Variants in KCNG2 observed in about 807,000 individuals in gnomAD.
KCNG2 encodes the protein voltage-gated potassium channel regulatory subunit KCNG2.
KCNG2 carries 7 observed loss-of-function variants against 12.3 expected under a neutral mutation model. The observed-to-expected ratio is 0.57, with a 90% CI of 0.32 to 1.07. The LOEUF is 1.07. KCNG2 is among the 50% of genes least tolerant of loss of function. The pLI is 0.04. For synonymous variants in KCNG2, 414 were observed against 351.4 expected (o/e 1.18, Z -1.99); for missense variants, 703 against 726.0 (o/e 0.97, Z 0.36).
At chr18:79,826,881 G>A (rs1424257754) in intron 1 of KCNG2, among the ~76,000 whole-genome samples, 1 of 152,262 alleles carries the variant, frequency 6.6e-6, no homozygotes, top group Non-Finnish European at 1.5e-5. Flanking sequence ...GTGTGGGAGT[G>A]ACTAATCACT....
intron 2 of KCNG2, among the ~76,000 whole-genome samples, chr18:79,860,738 T>C (rs1362961893): frequency 2.6e-5 from 4 of 152,170 alleles, no homozygotes. Context: ...GTACATAAGA[T>C]CATAAGATCA....
At chr18:79,898,061 G>A (rs1014964824) in intron 3 of KCNG2, among the ~76,000 whole-genome samples, 10 of 152,256 alleles carry the variant, frequency 6.6e-5, no homozygotes, top group African/African-American at 2.2e-4. Flanking sequence ...CTTAGCCAGC[G>A]TGCAGTCTAG....
intron 1 of KCNG2, among the ~76,000 whole-genome samples, chr18:79,845,176 C>T (rs1002952792): frequency 1.1e-4 from 16 of 152,134 alleles, no homozygotes; most frequent in Admixed American, 7.2e-4. Flanking sequence ...TAAAAGGTTA[C>T]GTAGGGTGTG....
intron 3 of KCNG2, among the ~76,000 whole-genome samples, chr18:79,888,751 T>G (rs180849044): frequency 1.4e-3 from 214 of 152,288 alleles, no homozygotes; most frequent in African/African-American, 3.4e-3. Flanking sequence ...CTCAGCTTAC[T>G]GCAATCTCCA....
chr18:79,854,281 G>A (rs2123052887), intron 1 of KCNG2, among the ~76,000 whole-genome samples: 1 of 152,346 alleles, frequency 6.6e-6, no homozygotes, highest in African/African-American at 2.4e-5. Context: ...GGCCGTGTGT[G>A]CCTGGGTGCC....
Position 79,899,097 on chromosome 18 carries a change from T to C in KCNG2, c.682T>C (p.Trp228Arg). 1 of 1,602,962 alleles carries C rather than the reference T, an allele frequency of 6.2e-7. No homozygotes were observed. The highest frequency in any genetic ancestry group is 2.3e-5 in the East Asian group (1 of 44,268). The change falls in exon 4 of 4, where the codon TGG becomes CGG. Residue 228 changes from tryptophan to arginine, a missense_variant. Coordinates refer to ENST00000316249, the MANE Select transcript of KCNG2 (RefSeq NM_012283.2). ...LFVLETVCVAWFSFEFLLRSL... is the reference protein window; with the variant it reads ...LFVLETVCVARFSFEFLLRSL... The stretch of plus-strand genomic sequence containing the variant: ...CGTGCTGGAGACCGTGTGCGTGGCC[T>C]GGTTCTCCTTCGAGTTCCTGCTGCG...
rs139354071 is a variant in KCNG2 at position 79,884,547 on chromosome 18, T to TCTGGGCCTGGGC, written c.625-14486_625-14475dup. On this transcript the variant is annotated intron_variant, in intron 3 of 3. Transcript: ENST00000316249. The surrounding 1 kb of genome is among the most constrained non-coding windows in gnomAD (Gnocchi z 5.5). ...GATGCAGTGGAGGAGCAGGGCTGGGTCTGGGCCTGGGCCTGGGCGTGGCAG... is the reference window on the plus strand; with the variant it reads ...GATGCAGTGGAGGAGCAGGGCTGGGTCTGGGCCTGGGCCTGGGCCTGGGCCTGGGCGTGGCAG... Among the ~76,000 whole-genome samples, 2 of 151,976 alleles carry TCTGGGCCTGGGC rather than the reference T, an allele frequency of 1.3e-5. No homozygotes were observed. The highest frequency in any genetic ancestry group is 6.5e-5 in the Admixed American group (1 of 15,270).
At chr18:79,843,852 A>G (rs558755038) in intron 1 of KCNG2, among the ~76,000 whole-genome samples, 1 of 152,250 alleles carries the variant, frequency 6.6e-6, no homozygotes, top group Non-Finnish European at 1.5e-5. Flanking sequence ...AACAATTAAC[A>G]AAATGGTGGT....
intron 1 of KCNG2, among the ~76,000 whole-genome samples, chr18:79,839,713 G>A (rs1411299084): frequency 6.6e-6 from 1 of 152,092 alleles, no homozygotes; most frequent in Non-Finnish European, 1.5e-5. Flanking sequence ...GGAAGAGGAG[G>A]GAACATTTTC....
Position 79,899,661 on chromosome 18 carries a change from A to AAGG in KCNG2, c.1249_1251dup (p.Glu417dup). ...CTTTTCGCGCTCCTACTCCGAGCTCAAGGAGCAGCAGCAGCGCGCGGCCAG... is the reference window on the plus strand; with the variant it reads ...CTTTTCGCGCTCCTACTCCGAGCTCAAGGAGGAGCAGCAGCAGCGCGCGGCCAG... On this transcript the variant is annotated inframe_insertion, in exon 4 of 4. Coordinates refer to ENST00000316249, the MANE Select transcript of KCNG2 (RefSeq NM_012283.2). 6.2e-7 allele frequency: 1 copy of AAGG among 1,607,436 alleles called. No homozygotes were observed. The highest frequency in any genetic ancestry group is 8.5e-7 in the Non-Finnish European group (1 of 1,177,674).
intron 3 of KCNG2, among the ~76,000 whole-genome samples, chr18:79,874,016 G>A (rs1979969466): frequency 6.6e-6 from 1 of 152,236 alleles, no homozygotes; most frequent in Admixed American, 6.5e-5. Flanking sequence ...AGAACCCAGT[G>A]GGAACAACTG....
At chr18:79,807,313 C>T (rs1400085931) in intron 1 of KCNG2, among the ~76,000 whole-genome samples, 3 of 152,174 alleles carry the variant, frequency 2.0e-5, no homozygotes, top group Non-Finnish European at 4.4e-5. Flanking sequence ...TGGGGTGCCG[C>T]GAGCAAACCT....
intron 1 of KCNG2, among the ~76,000 whole-genome samples, chr18:79,850,371 A>C (rs893271772): frequency 5.3e-5 from 8 of 152,194 alleles, no homozygotes; most frequent in Non-Finnish European, 1.0e-4. Context: ...TTGTAAAGAG[A>C]TTTGTAATTA....
intron 1 of KCNG2, among the ~76,000 whole-genome samples, chr18:79,805,173 G>C (rs2087439717): frequency 6.6e-6 from 1 of 152,180 alleles, no homozygotes; most frequent in Non-Finnish European, 1.5e-5. Context: ...ATCGTCAAAA[G>C]TTAGAAACAC....
chr18:79,826,067 GC>G (rs1978285456), intron 1 of KCNG2, among the ~76,000 whole-genome samples: 1 of 152,266 alleles, frequency 6.6e-6, no homozygotes, highest in Admixed American at 6.5e-5. Flanking sequence ...CGGGGCCTGT[GC>G]CCTGCCGGCC....
chr18:79,877,568 A>C (rs1180983138), intron 3 of KCNG2, among the ~76,000 whole-genome samples: 1 of 151,334 alleles, frequency 6.6e-6, no homozygotes, highest in Admixed American at 6.6e-5. Flanking sequence ...CCTTGTTCTC[A>C]CACCTCCGCC....
intron 3 of KCNG2, among the ~76,000 whole-genome samples, chr18:79,889,840 C>T (rs1348556094): frequency 6.6e-6 from 1 of 152,236 alleles, no homozygotes; most frequent in Admixed American, 6.5e-5. Context: ...CGGAGTCTTT[C>T]GTTACCATGT....
intron 1 of KCNG2, among the ~76,000 whole-genome samples, chr18:79,848,137 G>C (rs369347748): frequency 2.6e-5 from 4 of 152,162 alleles, no homozygotes; most frequent in African/African-American, 9.7e-5. Context: ...CGTGGGCTCA[G>C]CAGCTGCCAG....
rs746229671 is a variant in KCNG2 at position 79,900,092 on chromosome 18, T to TC, written c.*278dup. 11 of 323,868 alleles carry TC rather than the reference T, an allele frequency of 3.4e-5. No individual in the cohort carries two copies. Among genetic ancestry groups the TC allele is most frequent in the Non-Finnish European group, 6.2e-5 (11 of 178,648 alleles). 20.1% of individuals were successfully genotyped at this position (323,868 alleles called of 1,614,324 possible). ...CCTAGCTAAAAATAAATTTAGTAAG[T>TC]CCGAGAGATTCCACGCCTGCTGTGG... On this transcript the variant is annotated 3_prime_UTR_variant, in exon 4 of 4. Transcript: ENST00000316249.
Sources: allele counts gnomAD v4.1 joint callset (sites outside exome capture counted in the v4.1 genomes callset), GRCh38; gene constraint gnomAD v4.1.1; non-coding constraint Gnocchi (gnomAD v3.1); transcripts MANE v1.5; gene names NCBI Gene and HGNC (gene_info 2026-07-23, HGNC 2026-07-21).